The following NOSTRIN variants were observed in gnomAD, a reference collection of about 807,000 sequenced individuals.
NOSTRIN encodes BM247 homolog.
A neutral mutation model predicts 59.0 loss-of-function variants in NOSTRIN; 63 were observed. That is an observed-to-expected ratio of 1.07 (90% CI 0.87 to 1.32). The LOEUF is 1.32. NOSTRIN is among the 40% of genes most tolerant of loss of function. The pLI is 0.00. For synonymous variants in NOSTRIN, 200 were observed against 165.4 expected (o/e 1.21, Z -1.61); for missense variants, 512 against 473.1 (o/e 1.08, Z -0.76).
At chr2:168,840,623 T>C (rs939902368) in intron 7 of NOSTRIN, among the ~76,000 whole-genome samples, 4 of 151,776 alleles carry the variant, frequency 2.6e-5, no homozygotes, top group Admixed American at 6.6e-5. Flanking sequence ...TTAGTATCAA[T>C]TGGAATAATA....
chr2:168,860,666 G>C, intron 13 of NOSTRIN, 129 bp from the exon 14 acceptor site: 1 of 581,284 alleles, frequency 1.7e-6, no homozygotes, highest in Non-Finnish European at 2.9e-6. Flanking sequence ...GCAAGACTCT[G>C]TCTAAAAAAA....
intron 11 of NOSTRIN, chr2:168,856,121 TGAAA>T (rs1282434691): frequency 6.1e-5 from 13 of 214,680 alleles, no homozygotes; most frequent in Admixed American, 5.0e-4. Context: ...ATGGGTCGAC[TGAAA>T]GAATTTCAAA....
intron 1 of NOSTRIN, among the ~76,000 whole-genome samples, chr2:168,807,781 A>G (rs1311998881): frequency 2.6e-5 from 4 of 152,204 alleles, no homozygotes; most frequent in African/African-American, 4.8e-5. Context: ...AATTTTGTCC[A>G]TTTACCACAC....
intron 15 of NOSTRIN, 148 bp from the exon 16 acceptor site, chr2:168,864,686 C>G (rs575888257): frequency 1.3e-6 from 1 of 760,050 alleles, no homozygotes; most frequent in Non-Finnish European, 2.1e-6. Context: ...CACAGGTGTT[C>G]GATACATTTG....
At chr2:168,801,384 AT>A (rs917635990), upstream of NOSTRIN, among the ~76,000 whole-genome samples, 1 of 149,258 alleles carries the variant, frequency 6.7e-6, no homozygotes, top group African/African-American at 2.5e-5. Context: ...CCACATCCTA[AT>A]TAAAAAAAAA....
At chr2:168,849,670 CAAA>C (rs10650489) in intron 8 of NOSTRIN, among the ~76,000 whole-genome samples, 2,001 of 118,682 alleles carry the variant, frequency 0.017, 43 homozygotes, top group African/African-American at 0.061. Context: ...CTTGTTTTTA[CAAA>C]AAAAAAAAAA....
Position 168,864,921 on chromosome 2 carries a change from A to T in NOSTRIN, c.1472A>T (p.Tyr491Phe). 1 of 1,614,144 alleles carries T rather than the reference A, an allele frequency of 6.2e-7. No individual in the cohort carries two copies. Among genetic ancestry groups the T allele is most frequent in the Non-Finnish European group, 8.5e-7 (1 of 1,180,010 alleles). Residue 491 changes from tyrosine to phenylalanine, a missense_variant, in exon 16 of 16, where the codon TAT (tyrosine) becomes TTT (phenylalanine). Tyr to Phe is a conservative substitution (Grantham distance 22, BLOSUM62 3). Coordinates refer to ENST00000317647, the MANE Select transcript of NOSTRIN (RefSeq NM_001039724.4). ...AAAAAAGGCCATTTTCCTGCCGCTT[A>T]TGTGGAGGAGTTACCTTCAAATGCT... is the stretch of plus-strand genomic sequence containing the variant. The part of the protein sequence containing the change: ...NGKKGHFPAA[Y>F]VEELPSNAGN...
intron 5 of NOSTRIN, 36 bp from the exon 6 acceptor site, chr2:168,831,436 A>G (rs1340659083): frequency 2.3e-6 from 2 of 854,140 alleles, no homozygotes; most frequent in African/African-American, 3.3e-5. Context: ...AACAAGAAGA[A>G]AGCAAAGCTT....
At chr2:168,837,901 T>C (rs1687833354) in intron 7 of NOSTRIN, among the ~76,000 whole-genome samples, 1 of 152,226 alleles carries the variant, frequency 6.6e-6, no homozygotes, top group Non-Finnish European at 1.5e-5. Context: ...TCTGTAAATT[T>C]TAAATTAGAT....
upstream of NOSTRIN, among the ~76,000 whole-genome samples, chr2:168,796,397 C>T (rs954915476): frequency 2.6e-5 from 4 of 152,228 alleles, no homozygotes; most frequent in African/African-American, 9.6e-5. Context: ...CGCTGGACCC[C>T]AGCAGCTTGG....
intron 2 of NOSTRIN, among the ~76,000 whole-genome samples, chr2:168,823,136 C>T (rs1574279599): frequency 6.6e-6 from 1 of 152,324 alleles, no homozygotes; most frequent in South Asian, 2.1e-4. Flanking sequence ...CCTGCCTCAG[C>T]CTCCTGAATA....
chr2:168,858,379 T>C (rs547168499), intron 12 of NOSTRIN, among the ~76,000 whole-genome samples: 336 of 152,394 alleles, frequency 2.2e-3, no homozygotes, highest in Non-Finnish European at 4.3e-3. Context: ...TGGTAGATTT[T>C]GTGTCACCCA....
chr2:168,846,726 A>G (rs559834496), intron 8 of NOSTRIN, among the ~76,000 whole-genome samples: 1 of 151,614 alleles, frequency 6.6e-6, no homozygotes, highest in South Asian at 2.1e-4. Flanking sequence ...TTTAAAAGCC[A>G]TCTGCAATAT....
At chr2:168,819,046 G>GAA (rs5836206) in intron 2 of NOSTRIN, among the ~76,000 whole-genome samples, 11 of 151,898 alleles carry the variant, frequency 7.2e-5, no homozygotes, top group Admixed American at 5.2e-4. Context: ...AGAATGGAAA[G>GAA]AAAAAAATGC....
chr2:168,798,457 C>T (rs1317283404), upstream of NOSTRIN, among the ~76,000 whole-genome samples: 1 of 152,158 alleles, frequency 6.6e-6, no homozygotes, highest in Admixed American at 6.5e-5. Flanking sequence ...GTTGTTAACT[C>T]CCCTTAGAGG....
intron 15 of NOSTRIN, among the ~76,000 whole-genome samples, chr2:168,864,458 G>A (rs1689723151): frequency 6.6e-6 from 1 of 151,352 alleles, no homozygotes; most frequent in African/African-American, 2.4e-5. Context: ...GCTAATTTTT[G>A]TATTTTTAGC....
At chr2:168,799,115 A>G (rs1023135086), upstream of NOSTRIN, among the ~76,000 whole-genome samples, 14 of 152,090 alleles carry the variant, frequency 9.2e-5, no homozygotes, top group African/African-American at 3.4e-4. Flanking sequence ...TTGGCAAACA[A>G]CTCAGGAGCT....
chr2:168,803,038 C>T (rs1373116362), intron 1 of NOSTRIN, among the ~76,000 whole-genome samples: 4 of 152,148 alleles, frequency 2.6e-5, no homozygotes, highest in Admixed American at 2.6e-4. Flanking sequence ...TGTCTGCAGC[C>T]AATTTTTGGC....
upstream of NOSTRIN, chr2:168,802,441 G>T (rs528168154): frequency 1.9e-4 from 105 of 538,890 alleles, no homozygotes; most frequent in Middle Eastern, 5.3e-4. Flanking sequence ...CACACTGGCC[G>T]TCTTGACCCA....
Sources: gnomAD v4.1 joint callset for allele counts (sites outside exome capture counted in the v4.1 genomes callset) on GRCh38, gnomAD v4.1.1 for gene constraint, MANE v1.5 for transcripts, NCBI Gene and HGNC (gene_info 2026-07-23, HGNC 2026-07-21) for gene names.